Variants in CTNNA2 observed in about 807,000 individuals in gnomAD.
CTNNA2 encodes catenin alpha-2.
In CTNNA2, 42 loss-of-function variants were observed where a neutral mutation model predicts 101.0. The observed-to-expected ratio is 0.42, with a 90% CI of 0.32 to 0.54. CTNNA2 has a LOEUF of 0.54. Among genes scored for constraint, CTNNA2 ranks in the 20% least tolerant of loss-of-function variants. The pLI, the probability that CTNNA2 is intolerant of heterozygous loss-of-function variation, is 0.14. For synonymous variants in CTNNA2, 450 were observed against 456.4 expected, an observed-to-expected ratio of 0.99 and a Z score of 0.18; for missense variants, 871 against 1,223.1, an observed-to-expected ratio of 0.71 and a Z score of 4.29.
intron 4 of CTNNA2, among the ~76,000 whole-genome samples, chr2:79,412,349 T>G (rs1362316197): frequency 6.6e-6 from 1 of 150,746 alleles, no homozygotes; most frequent in Non-Finnish European, 1.5e-5. Flanking sequence ...GACAGAAAGT[T>G]AACAAGGATA....
At chr2:80,063,877 C>T (rs1347295317) in intron 7 of CTNNA2, among the ~76,000 whole-genome samples, 1 of 152,162 alleles carries the variant, frequency 6.6e-6, no homozygotes, top group Non-Finnish European at 1.5e-5. Context: ...CTACCCACCC[C>T]TAGTTATTTG....
intron 7 of CTNNA2, among the ~76,000 whole-genome samples, chr2:79,988,460 A>ATGTGTGTG (rs1226080495): frequency 1.1e-5 from 1 of 89,276 alleles, no homozygotes; most frequent in African/African-American, 4.3e-5. Context: ...TATGAAGTGT[A>ATGTGTGTG]TGTGTATGTG....
At chr2:79,415,631 T>G (rs1436514001) in intron 4 of CTNNA2, among the ~76,000 whole-genome samples, 1 of 152,112 alleles carries the variant, frequency 6.6e-6, no homozygotes, top group Non-Finnish European at 1.5e-5. Flanking sequence ...GAATACTATG[T>G]GGGAAAATGG....
intron 7 of CTNNA2, among the ~76,000 whole-genome samples, chr2:80,281,141 G>T (rs1573587389): frequency 6.6e-6 from 1 of 152,122 alleles, no homozygotes; most frequent in East Asian, 1.9e-4. Context: ...GATCCCCAGG[G>T]TGACCAGAGA....
intron 7 of CTNNA2, among the ~76,000 whole-genome samples, chr2:79,961,691 G>A (rs1443899126): frequency 4.0e-5 from 6 of 151,784 alleles, no homozygotes; most frequent in Non-Finnish European, 5.9e-5. Context: ...GCGTGGTGGC[G>A]GGCGCCTGTA....
intron 2 of CTNNA2, among the ~76,000 whole-genome samples, chr2:79,699,089 T>C (rs994013674): frequency 2.6e-5 from 4 of 152,078 alleles, no homozygotes; most frequent in Non-Finnish European, 5.9e-5. Context: ...TTTTGTACTA[T>C]AAAATGTAGT....
At chr2:80,050,030 C>G (rs1696774882) in intron 7 of CTNNA2, among the ~76,000 whole-genome samples, 1 of 152,096 alleles carries the variant, frequency 6.6e-6, no homozygotes, top group African/African-American at 2.4e-5. Context: ...TTCCTCTTCC[C>G]ACCACCCCAA....
At chr2:79,839,941 G>A (rs1679676389) in intron 3 of CTNNA2, among the ~76,000 whole-genome samples, 1 of 152,080 alleles carries the variant, frequency 6.6e-6, no homozygotes, top group Non-Finnish European at 1.5e-5. Context: ...AGACTTATTT[G>A]TGAGAGTCCT....
At chr2:79,810,511 C>A (rs1167660187) in intron 3 of CTNNA2, among the ~76,000 whole-genome samples, 1 of 141,240 alleles carries the variant, frequency 7.1e-6, no homozygotes, top group Admixed American at 7.1e-5. Context: ...GCCTTTTCAC[C>A]TTTTCTTTTC....
chr2:80,293,383 G>A (rs889697529), intron 7 of CTNNA2, among the ~76,000 whole-genome samples: 1 of 152,188 alleles, frequency 6.6e-6, no homozygotes, highest in African/African-American at 2.4e-5. Flanking sequence ...CTTCACTGAG[G>A]ATAAATATGC....
chr2:79,604,700 G>A (rs576543178), intron 1 of CTNNA2, among the ~76,000 whole-genome samples: 5 of 152,270 alleles, frequency 3.3e-5, no homozygotes, highest in African/African-American at 9.6e-5. Context: ...ATTCACATAC[G>A]TTTGGGTCTA....
intron 4 of CTNNA2, among the ~76,000 whole-genome samples, chr2:79,475,562 A>T (rs1475122624): frequency 6.6e-6 from 1 of 152,202 alleles, no homozygotes; most frequent in Non-Finnish European, 1.5e-5. Context: ...AAAATTCCAA[A>T]TGAATATGTA....
intron 7 of CTNNA2, among the ~76,000 whole-genome samples, chr2:80,056,962 G>A (rs1024994577): frequency 6.6e-6 from 1 of 152,102 alleles, no homozygotes; most frequent in Non-Finnish European, 1.5e-5. Context: ...CATAGAAAAG[G>A]TTCCTCTTGT....
At chr2:80,507,735 A>G (rs1283072968) in intron 9 of CTNNA2, among the ~76,000 whole-genome samples, 1 of 152,152 alleles carries the variant, frequency 6.6e-6, no homozygotes, top group Non-Finnish European at 1.5e-5. Context: ...TGCAATAGAA[A>G]ATGCTCAATG....
intron 2 of CTNNA2, among the ~76,000 whole-genome samples, chr2:79,227,635 A>G (rs548113234): frequency 1.3e-5 from 2 of 152,324 alleles, no homozygotes; most frequent in African/African-American, 4.8e-5. Flanking sequence ...TTTACACTAT[A>G]TCATAGTTTA....
intron 4 of CTNNA2, among the ~76,000 whole-genome samples, chr2:79,428,152 T>G (rs1334040621): frequency 2.0e-5 from 3 of 151,744 alleles, no homozygotes; most frequent in Non-Finnish European, 4.4e-5. Flanking sequence ...TCATTTTAAG[T>G]CAGTCTCTTC....
intron 1 of CTNNA2, among the ~76,000 whole-genome samples, chr2:79,566,851 T>G (rs1434854409): frequency 6.6e-6 from 1 of 152,202 alleles, no homozygotes; most frequent in Non-Finnish European, 1.5e-5. Flanking sequence ...CTTTAACTTC[T>G]TGTTGCTAGA....
At chr2:79,193,594 G>T (rs1673905024) in intron 1 of CTNNA2, among the ~76,000 whole-genome samples, 1 of 152,062 alleles carries the variant, frequency 6.6e-6, no homozygotes, top group Non-Finnish European at 1.5e-5. Flanking sequence ...CCAATATTAA[G>T]TCATGTATGA....
At chr2:80,278,671 T>G (rs1223752571) in intron 7 of CTNNA2, among the ~76,000 whole-genome samples, 3 of 152,014 alleles carry the variant, frequency 2.0e-5, no homozygotes, top group Admixed American at 2.0e-4. Context: ...GGTCATGGAT[T>G]AAAGGAGAGA....
Sources: gnomAD v4.1 joint callset for allele counts (sites outside exome capture counted in the v4.1 genomes callset) on GRCh38, gnomAD v4.1.1 for gene constraint, MANE v1.5 for transcripts, NCBI Gene and HGNC (gene_info 2026-07-23, HGNC 2026-07-21) for gene names.